Variants in PAMR1 observed in about 807,000 individuals in gnomAD.
PAMR1 encodes peptidase domain containing associated with muscle regeneration 1.
Under a neutral mutation model 81.8 loss-of-function variants are expected in PAMR1, and 88 were observed. The observed-to-expected ratio is 1.08, with a 90% CI of 0.91 to 1.28. The LOEUF is 1.28. PAMR1 is among the 50% of genes most tolerant of loss of function. The probability of loss-of-function intolerance (pLI) is 0.00; values close to 1 mark genes in which losing one functional copy is unlikely to be tolerated. For missense variants in PAMR1, 935 were observed against 919.7 expected, an observed-to-expected ratio of 1.02 and a Z score of -0.21; for synonymous variants, 336 against 345.3, an observed-to-expected ratio of 0.97 and a Z score of 0.30.
intron 6 of PAMR1, among the ~76,000 whole-genome samples, chr11:35,466,749 GA>G (rs1270052860): frequency 1.2e-4 from 13 of 112,902 alleles, no homozygotes; most frequent in Non-Finnish European, 2.3e-4. Context: ...AAAAAAAAAG[GA>G]AAACATTAGT....
intron 3 of PAMR1, among the ~76,000 whole-genome samples, chr11:35,475,470 C>T (rs1014847326): frequency 6.6e-6 from 1 of 152,230 alleles, no homozygotes; most frequent in African/African-American, 2.4e-5. Flanking sequence ...ACCTAGTCTG[C>T]TGAGTTACCT....
At chr11:35,489,244 T>C (rs10836406) in intron 3 of PAMR1, among the ~76,000 whole-genome samples, 35,826 of 152,138 alleles carry the variant, frequency 0.24, 5,141 homozygotes, top group Non-Finnish European at 0.32. Context: ...GCTTATCTCA[T>C]GTGGAACTCA....
At chr11:35,503,516 T>C (rs1170256963) in intron 1 of PAMR1, among the ~76,000 whole-genome samples, 3 of 152,158 alleles carry the variant, frequency 2.0e-5, no homozygotes, top group African/African-American at 7.2e-5. Flanking sequence ...GCATGCAATA[T>C]CTTTCCATTT....
chr11:35,492,810 T>C (rs1428335132), intron 2 of PAMR1, among the ~76,000 whole-genome samples: 1 of 152,148 alleles, frequency 6.6e-6, no homozygotes, highest in Non-Finnish European at 1.5e-5. Context: ...GAGGGGTCTG[T>C]GTGATTCCCC....
rs529579135 is a variant in PAMR1, at chr11:35,468,013, G to T, written c.808C>A (p.Arg270Ser). The part of the protein sequence containing the change: ...CACLAGYTGQ[R>S]CENLLEERNC... The stretch of plus-strand genomic sequence containing the variant: ...GAAGCATACTCACGATTTTCACAGC[G>T]CTGCCCAGTATAGCCTGCCAAGCAG... The change falls in exon 6 of 11, where the codon CGC (arginine) becomes AGC (serine). Residue 270 changes from arginine to serine, a missense_variant. Physicochemically the swap from Arg to Ser is moderately radical, Grantham distance 110 (BLOSUM62 -1). Coordinates refer to ENST00000619888, the MANE Select transcript of PAMR1 (RefSeq NM_001001991.3). 6.4e-7 allele frequency: 1 copy of T among 1,557,172 alleles called. No individual in the cohort carries two copies. Among genetic ancestry groups the T allele is most frequent in the East Asian group, 2.4e-5 (1 of 42,278 alleles).
intron 1 of PAMR1, among the ~76,000 whole-genome samples, chr11:35,502,666 G>C (rs1266332853): frequency 6.6e-6 from 1 of 152,016 alleles, no homozygotes; most frequent in Non-Finnish European, 1.5e-5. Flanking sequence ...CTCATTGATG[G>C]TTTTGCCCAT....
intron 1 of PAMR1, among the ~76,000 whole-genome samples, chr11:35,515,237 G>T (rs1851140694): frequency 6.6e-6 from 1 of 152,132 alleles, no homozygotes; most frequent in Non-Finnish European, 1.5e-5. Context: ...GTCTTGATCT[G>T]CCACTGTCTA....
At chr11:35,435,371 TA>T (rs767659137) in intron 9 of PAMR1, among the ~76,000 whole-genome samples, 10 of 152,160 alleles carry the variant, frequency 6.6e-5, no homozygotes, top group African/African-American at 2.4e-4. Context: ...TTTTTATTTT[TA>T]TTTTTTTATA....
intron 1 of PAMR1, among the ~76,000 whole-genome samples, chr11:35,509,950 C>T (rs1379916149): frequency 1.3e-5 from 2 of 152,120 alleles, no homozygotes; most frequent in South Asian, 2.1e-4. Context: ...TGAATAAGCA[C>T]AAAGAAAACA....
intron 6 of PAMR1, among the ~76,000 whole-genome samples, chr11:35,445,632 G>A (rs1246060242): frequency 6.6e-6 from 1 of 152,130 alleles, no homozygotes; most frequent in Non-Finnish European, 1.5e-5. Context: ...GATGAATTAT[G>A]TTTATTGATT....
chr11:35,450,177 C>T (rs914031761), intron 6 of PAMR1, among the ~76,000 whole-genome samples: 16 of 138,442 alleles, frequency 1.2e-4, no homozygotes, highest in African/African-American at 4.1e-4. Flanking sequence ...TCAGATAACA[C>T]CTCTAAAATA....
intron 8 of PAMR1, among the ~76,000 whole-genome samples, chr11:35,437,356 G>A (rs1856073906): frequency 6.6e-6 from 1 of 152,230 alleles, no homozygotes; most frequent in Non-Finnish European, 1.5e-5. Context: ...GTGCTTACCA[G>A]TCACAATTTC....
At chr11:35,514,121 C>A (rs75454958) in intron 1 of PAMR1, among the ~76,000 whole-genome samples, 3,122 of 152,258 alleles carry the variant, frequency 0.021, 107 homozygotes, top group African/African-American at 0.071. Context: ...GGACAAGAAA[C>A]CTTGCCACGG....
intron 3 of PAMR1, among the ~76,000 whole-genome samples, chr11:35,486,978 G>C (rs1000600730): frequency 2.6e-5 from 4 of 152,140 alleles, no homozygotes; most frequent in African/African-American, 9.7e-5. Context: ...GAATATGGGT[G>C]AGTGTGATGT....
intron 6 of PAMR1, among the ~76,000 whole-genome samples, chr11:35,450,129 CAAAAAAAAAAAA>C (rs60887441): frequency 4.6e-4 from 20 of 43,032 alleles, no homozygotes; most frequent in Admixed American, 1.8e-3. Flanking sequence ...TGCCTCCAGG[CAAAAAAAAAAAA>C]AAAAAAAAAA....
intron 3 of PAMR1, among the ~76,000 whole-genome samples, chr11:35,481,407 A>G (rs1850386998): frequency 6.6e-6 from 1 of 152,198 alleles, no homozygotes; most frequent in African/African-American, 2.4e-5. Flanking sequence ...TCTGACTGGC[A>G]TGAGATAGTA....
chr11:35,490,340 C>T (rs1434838452), intron 3 of PAMR1, among the ~76,000 whole-genome samples: 4 of 152,180 alleles, frequency 2.6e-5, no homozygotes, highest in Non-Finnish European at 4.4e-5. Flanking sequence ...CCCATCAAAT[C>T]CCCCTTTCCC....
intron 6 of PAMR1, among the ~76,000 whole-genome samples, chr11:35,446,326 C>G (rs1182703268): frequency 6.6e-6 from 1 of 152,072 alleles, no homozygotes; most frequent in Non-Finnish European, 1.5e-5. Context: ...TTTTTTGTGT[C>G]TCTATCTCCT....
intron 10 of PAMR1, 41 bp from the exon 11 acceptor site, chr11:35,432,933 C>T: frequency 6.6e-7 from 1 of 1,510,402 alleles, no homozygotes; most frequent in Non-Finnish European, 8.9e-7. Context: ...GAGGAGCCAG[C>T]TCCACAGTGG....
Sources: allele counts gnomAD v4.1 joint callset (sites outside exome capture counted in the v4.1 genomes callset), GRCh38; gene constraint gnomAD v4.1.1; transcripts MANE v1.5; gene names NCBI Gene and HGNC (gene_info 2026-07-23, HGNC 2026-07-21).